The following RORA variants were observed in gnomAD, a reference collection of about 807,000 sequenced individuals.
RORA encodes the protein RAR related orphan receptor A, also known as nuclear receptor ROR-alpha.
A neutral mutation model predicts 69.5 loss-of-function variants in RORA; 7 were observed. That is an observed-to-expected ratio of 0.10 (90% confidence interval 0.06 to 0.19). The LOEUF is 0.19. RORA is among the 10% of genes least tolerant of loss of function. The probability of loss-of-function intolerance (pLI) is 1.00; values close to 1 mark genes in which losing one functional copy is unlikely to be tolerated. For synonymous variants in RORA, 261 were observed against 240.8 expected (o/e 1.08, Z -0.78); for missense variants, 457 against 663.0 (o/e 0.69, Z 3.41).
intron 1 of RORA, among the ~76,000 whole-genome samples, chr15:60,729,195 A>G (rs1215700521): frequency 6.6e-6 from 1 of 151,996 alleles, no homozygotes; most frequent in East Asian, 1.9e-4. Context: ...CCCACCCCAT[A>G]TTCTGAGTTC....
intron 2 of RORA, among the ~76,000 whole-genome samples, chr15:60,638,343 T>TA (rs929291589): frequency 1.3e-5 from 2 of 151,996 alleles, no homozygotes; most frequent in African/African-American, 2.4e-5. Context: ...GATGGGGTTA[T>TA]AGGTGATTTT....
At chr15:60,576,818 G>A (rs766606983) in intron 2 of RORA, among the ~76,000 whole-genome samples, 22 of 152,200 alleles carry the variant, frequency 1.4e-4, no homozygotes, top group Non-Finnish European at 2.8e-4. Context: ...ATTCTCCAAG[G>A]TGCCTACATT....
chr15:61,221,038 C>T (rs1294677851), intron 1 of RORA, among the ~76,000 whole-genome samples: 2 of 152,156 alleles, frequency 1.3e-5, no homozygotes, highest in South Asian at 2.1e-4. Flanking sequence ...GTGAAACACA[C>T]TTTAGCTTCT....
intron 1 of RORA, among the ~76,000 whole-genome samples, chr15:60,940,872 A>G (rs952770120): frequency 2.0e-5 from 3 of 152,226 alleles, no homozygotes; most frequent in Non-Finnish European, 2.9e-5. Context: ...GCTTGCAGTG[A>G]GCCAAGATCG....
intron 2 of RORA, among the ~76,000 whole-genome samples, chr15:60,575,064 AG>A (rs2140464184): frequency 6.6e-6 from 1 of 151,528 alleles, no homozygotes; most frequent in African/African-American, 2.4e-5. Context: ...CTAAACCAGA[AG>A]GCCACCGAGA....
chr15:60,504,403 C>T (rs536550567), intron 6 of RORA, among the ~76,000 whole-genome samples: 1 of 152,098 alleles, frequency 6.6e-6, no homozygotes, highest in South Asian at 2.1e-4. Context: ...AAAAATTAGC[C>T]AGGCGTGGTG....
chr15:61,033,125 T>TG (rs1488981308), intron 1 of RORA, among the ~76,000 whole-genome samples: 1 of 152,184 alleles, frequency 6.6e-6, no homozygotes, highest in Non-Finnish European at 1.5e-5. Context: ...CACGCTCTCT[T>TG]GGCTATACCC....
intron 1 of RORA, among the ~76,000 whole-genome samples, chr15:61,101,467 G>A (rs531519413): frequency 1.3e-4 from 20 of 152,200 alleles, no homozygotes; most frequent in Non-Finnish European, 2.1e-4. Flanking sequence ...AGGTAGGGAA[G>A]AGCATGATAC....
intron 1 of RORA, among the ~76,000 whole-genome samples, chr15:61,149,867 A>G (rs1029153506): frequency 2.6e-5 from 4 of 152,166 alleles, no homozygotes; most frequent in African/African-American, 4.8e-5. Context: ...ACAGTTTTCC[A>G]TTTTCTTTAT....
At chr15:60,550,977 T>C (rs2067212881) in intron 2 of RORA, among the ~76,000 whole-genome samples, 1 of 152,218 alleles carries the variant, frequency 6.6e-6, no homozygotes, top group South Asian at 2.1e-4. Context: ...CATGCTTCAA[T>C]GCACTTAACC....
At chr15:61,024,412 T>C (rs756125776) in intron 1 of RORA, among the ~76,000 whole-genome samples, 7 of 150,748 alleles carry the variant, frequency 4.6e-5, no homozygotes, top group Non-Finnish European at 8.8e-5. Flanking sequence ...GTCTCCCAAG[T>C]AGCTGGGACT....
chr15:61,125,056 T>C (rs2079132018), intron 1 of RORA, among the ~76,000 whole-genome samples: 2 of 152,232 alleles, frequency 1.3e-5, no homozygotes, highest in South Asian at 2.1e-4. Flanking sequence ...TTTAAAAATG[T>C]TCATCATCAA....
At chr15:60,576,613 C>A (rs1311360343) in intron 2 of RORA, among the ~76,000 whole-genome samples, 1 of 152,222 alleles carries the variant, frequency 6.6e-6, no homozygotes, top group African/African-American at 2.4e-5. Flanking sequence ...TGTAATGGAA[C>A]TGATTCTGCC....
intron 1 of RORA, among the ~76,000 whole-genome samples, chr15:60,999,715 C>T (rs1366608665): frequency 6.6e-6 from 1 of 152,144 alleles, no homozygotes; most frequent in Non-Finnish European, 1.5e-5. Context: ...TAGGGAAATC[C>T]ACAGGCCCTT....
chr15:61,053,963 A>G (rs1056065185), intron 1 of RORA, among the ~76,000 whole-genome samples: 18 of 150,576 alleles, frequency 1.2e-4, no homozygotes, highest in Admixed American at 3.3e-4. Flanking sequence ...GTTTTCTCCA[A>G]AGCTATTTCT....
At chr15:60,644,562 C>T (rs16942879) in intron 2 of RORA, among the ~76,000 whole-genome samples, 1 of 152,196 alleles carries the variant, frequency 6.6e-6, no homozygotes, top group African/African-American at 2.4e-5. Context: ...AACGTGTAAA[C>T]ATGCAGAGAC....
intron 1 of RORA, among the ~76,000 whole-genome samples, chr15:60,816,700 G>A (rs940019861): frequency 1.4e-4 from 19 of 139,648 alleles, no homozygotes; most frequent in African/African-American, 4.1e-4. Flanking sequence ...AAACCTGCAC[G>A]TTGTGCACAT....
At chr15:61,091,192 C>T (rs572058395) in intron 1 of RORA, among the ~76,000 whole-genome samples, 52 of 152,132 alleles carry the variant, frequency 3.4e-4, no homozygotes, top group South Asian at 8.3e-4. Flanking sequence ...GCTTCTGTTG[C>T]CGTTGAATTA....
chr15:60,834,103 G>A (rs562499094), intron 1 of RORA, among the ~76,000 whole-genome samples: 1 of 152,276 alleles, frequency 6.6e-6, no homozygotes, highest in South Asian at 2.1e-4. Context: ...TACAATGGAT[G>A]AGGAAAAAAG....
Sources: allele counts gnomAD v4.1 joint callset (sites outside exome capture counted in the v4.1 genomes callset), GRCh38; gene constraint gnomAD v4.1.1; transcripts MANE v1.5; gene names NCBI Gene and HGNC (gene_info 2026-07-23, HGNC 2026-07-21).